The following LMBR1L variants were observed in gnomAD, a reference collection of about 807,000 sequenced individuals.
LMBR1L encodes the protein limb development membrane protein 1 like.
A neutral mutation model predicts 67.3 loss-of-function variants in LMBR1L; 47 were observed. The observed-to-expected ratio is 0.70, with a 90% CI of 0.55 to 0.89. The LOEUF is 0.89. Ranked by LOEUF, LMBR1L falls within the 40% of genes least tolerant of loss-of-function variation. The pLI is 0.00. For missense variants in LMBR1L, 533 were observed against 599.2 expected (o/e 0.89, Z 1.15); for synonymous variants, 247 against 250.3 (o/e 0.99, Z 0.13).
chr12:49,110,224 A>AGGGGG, intron 1 of LMBR1L: 1 of 221,180 alleles, frequency 4.5e-6, no homozygotes, highest in Non-Finnish European at 7.1e-6. Context: ...GCGCTGGGTG[A>AGGGGG]GGGGTGGGAG....
chr12:49,108,330 G>A (rs1198566580), intron 1 of LMBR1L, among the ~76,000 whole-genome samples: 4 of 151,784 alleles, frequency 2.6e-5, no homozygotes, highest in Non-Finnish European at 2.9e-5. Flanking sequence ...TTGGGAGGCC[G>A]AGGCGGGAGG....
rs2121109925 is a variant in LMBR1L, at chr12:49,110,825, A to C, written c.-270T>G. 2 of 469,122 alleles carry C rather than the reference A, an allele frequency of 4.3e-6. No homozygotes were observed. Among genetic ancestry groups the C allele is most frequent in the Admixed American group, 3.5e-5 (1 of 28,394 alleles). 29.1% of individuals were successfully genotyped at this position (469,122 alleles called of 1,614,324 possible). On this transcript the variant is annotated 5_prime_UTR_variant, in exon 1 of 17. Coordinates refer to ENST00000267102, the MANE Select transcript of LMBR1L (RefSeq NM_018113.4). ...GGGTCGCGCTCACGTTTCAATGCAA[A>C]CACCCGCCACTAGGCTCGCTACGAG...
In LMBR1L at chr12:49,110,770, T is replaced by C. The variant is rs889079523; in HGVS notation, c.-215A>G. The C allele has an allele frequency of 2.4e-5, 14 of 578,946 alleles. No individual in the cohort carries two copies. The highest frequency in any genetic ancestry group is 4.3e-5 in the Non-Finnish European group (14 of 323,480). The allele number at this position is 578,946 out of a possible 1,614,324, so 35.9% of individuals were successfully genotyped here. A position where few individuals can be genotyped will look rare whatever the true frequency, so the allele number is the denominator to read the frequency against. On this transcript the variant is annotated 5_prime_UTR_variant, in exon 1 of 17. Transcript: ENST00000267102. ...ACCCGCCTCGTTTTAAAGGGCTCTG[T>C]CCTCCCTTTGCTCCCCACTCTTTAA...
Position 49,100,433 on chromosome 12 carries a change from GAC to G in LMBR1L, c.1193_1194del (p.Cys398SerfsTer21). 6.2e-7 allele frequency: 1 copy of G among 1,613,960 alleles called. No individual in the cohort carries two copies. Among genetic ancestry groups the G allele is most frequent in the Non-Finnish European group, 8.5e-7 (1 of 1,179,810 alleles). On this transcript the variant is annotated frameshift_variant, in exon 15 of 17. Coordinates refer to ENST00000267102, the MANE Select transcript of LMBR1L (RefSeq NM_018113.4). LOFTEE classifies it high-confidence loss of function. ...GGAAGTGCTGAGCTTAGGACCAGGA[GAC>G]AGACACAGTTCCCAATTATCTGGGT... ...AMTQIIGNCVCLLVLSSALPV... is the reference protein window; with the variant it reads ...AMTQIIGNCVXLLVLSSALPV...
In LMBR1L at chr12:49,102,530, T is replaced by G. The variant is rs1399922742; in HGVS notation, c.707A>C (p.Asp236Ala). The G allele has an allele frequency of 6.2e-7, 1 of 1,614,048 alleles. No individual in the cohort carries two copies. The highest frequency in any genetic ancestry group is 8.5e-7 in the Non-Finnish European group (1 of 1,180,000). ...TGAGCAGTACAGCTGCTCCTCCAGGTCTTCCAGCAGCTAGGGGCAGGGGAA... is the reference window on the plus strand; with the variant it reads ...TGAGCAGTACAGCTGCTCCTCCAGGGCTTCCAGCAGCTAGGGGCAGGGGAA... ...KLLVKPRLLE[D>A]LEEQLYCSAF... The change falls in exon 9 of 17, where the codon GAC becomes GCC. Residue 236 changes from aspartate to alanine, a missense_variant. Physicochemically the swap from Asp to Ala is moderately radical, Grantham distance 126. Transcript: ENST00000267102.
At chr12:49,109,926 G>C (rs1318092027) in intron 1 of LMBR1L, 2 of 411,154 alleles carry the variant, frequency 4.9e-6, no homozygotes, top group Admixed American at 2.9e-5. Context: ...AAAAAAGACG[G>C]GGGAATACTT....
At position 49,097,665 on chromosome 12, in the gene LMBR1L, C is replaced by G. The variant is rs192672535; in HGVS notation, c.*7G>C. ...CCAGTTTTTTCCTTCCCACCCCCAG[C>G]TGGAGGTCACTGGTGCTGGGTCTTC... On this transcript the variant is annotated 3_prime_UTR_variant, in exon 17 of 17. Coordinates refer to ENST00000267102, the MANE Select transcript of LMBR1L (RefSeq NM_018113.4). 21 of 1,613,136 alleles carry G rather than the reference C, an allele frequency of 1.3e-5. No individual in the cohort carries two copies. Among genetic ancestry groups the G allele is most frequent in the Middle Eastern group, 1.9e-4 (1 of 5,312 alleles).
At position 49,102,959 on chromosome 12, in the gene LMBR1L, G is replaced by A; in HGVS notation, c.632-8C>T. 6.2e-7 allele frequency: 1 copy of A among 1,613,906 alleles called. No homozygotes were observed. The highest frequency in any genetic ancestry group is 8.5e-7 in the Non-Finnish European group (1 of 1,179,868). Reference sequence around the variant, plus strand: ...GACCCAGTGGAGTACACACTGTAGGGACAAGAGCCAGTCACTTGCCAGACC... The same window carrying A: ...GACCCAGTGGAGTACACACTGTAGGAACAAGAGCCAGTCACTTGCCAGACC... On this transcript the variant is annotated splice_polypyrimidine_tract_variant and splice_region_variant and intron_variant, in intron 7 of 16. Coordinates refer to ENST00000267102, the MANE Select transcript of LMBR1L (RefSeq NM_018113.4).
intron 1 of LMBR1L, chr12:49,109,648 C>T (rs1272593311): frequency 4.4e-6 from 2 of 455,214 alleles, no homozygotes; most frequent in Non-Finnish European, 8.8e-6. Flanking sequence ...GGGAAGGACA[C>T]AGGAGAAAGG....
intron 5 of LMBR1L, 156 bp from the exon 6 acceptor site, chr12:49,103,969 TC>T (rs2120986845): frequency 2.7e-6 from 2 of 734,142 alleles, no homozygotes; most frequent in East Asian, 2.7e-5. Flanking sequence ...GTCTTCCCAC[TC>T]CCCAGTCTAA....
At chr12:49,109,608 T>C in intron 1 of LMBR1L, 1 of 439,214 alleles carries the variant, frequency 2.3e-6, no homozygotes, top group Non-Finnish European at 4.5e-6. Context: ...ATTTACTATC[T>C]GGAGATGAGG....
Position 49,097,409 on chromosome 12 carries a change from G to A in LMBR1L, c.*263C>T, listed in dbSNP as rs567248153. The A allele has an allele frequency of 3.9e-6, 2 of 513,322 alleles. No homozygotes were observed. Among genetic ancestry groups the A allele is most frequent in the East Asian group, 3.2e-5 (1 of 30,970 alleles). The allele number at this position is 513,322 out of a possible 1,614,324, so 31.8% of individuals were successfully genotyped here. Reference sequence around the variant, plus strand: ...CAGAACAGCAGTGAGGCAGATTGATGTGTAAACAGATTTGGGATCAGGGGC... The same window carrying A: ...CAGAACAGCAGTGAGGCAGATTGATATGTAAACAGATTTGGGATCAGGGGC... On this transcript the variant is annotated 3_prime_UTR_variant, in exon 17 of 17. Coordinates refer to ENST00000267102, the MANE Select transcript of LMBR1L (RefSeq NM_018113.4).
At chr12:49,099,551 A>T (rs934700464) in intron 15 of LMBR1L, among the ~76,000 whole-genome samples, 1 of 149,196 alleles carries the variant, frequency 6.7e-6, no homozygotes, top group African/African-American at 2.5e-5. Context: ...CTCACACACT[A>T]CCTTGGGGTG....
Position 49,110,585 on chromosome 12 carries a change from G to A in LMBR1L, c.-30C>T, listed in dbSNP as rs761132388. ...TGCTCAGCATGACTGAAGCCGAGGT[G>A]CCTCTGGGCCCGGGGAGGACGAGCG... On this transcript the variant is annotated 5_prime_UTR_variant, in exon 1 of 17. Coordinates refer to ENST00000267102, the MANE Select transcript of LMBR1L (RefSeq NM_018113.4). 162 of 1,602,496 alleles carry A rather than the reference G, an allele frequency of 1.0e-4. No individual in the cohort carries two copies. Among genetic ancestry groups the A allele is most frequent in the Non-Finnish European group, 1.3e-4 (156 of 1,169,692 alleles).
chr12:49,109,367 G>C (rs940663761), intron 1 of LMBR1L, among the ~76,000 whole-genome samples: 6 of 151,982 alleles, frequency 3.9e-5, no homozygotes, highest in Admixed American at 6.6e-5. Flanking sequence ...CACAAGGAAG[G>C]CTTGCCGAAA....
intron 1 of LMBR1L, chr12:49,110,225 G>T: frequency 1.7e-6 from 1 of 573,982 alleles, no homozygotes; most frequent in Admixed American, 3.0e-5. Context: ...CGCTGGGTGA[G>T]GGGTGGGAGG....
Position 49,102,139 on chromosome 12 carries a change from A to G in LMBR1L, c.911T>C (p.Leu304Pro), listed in dbSNP as rs1420245372. ...QRNLGYPLAM[L>P]CLLVLTGLSV... ...ACCTACCGTCAGCACCAGCAAGCAC[A>G]GCATAGCCAGGGGGTAGCCCAGGTT... The change falls in exon 11 of 17, where the codon CTG becomes CCG. Residue 304 changes from leucine to proline, a missense_variant. By Grantham distance (98) the Leu-to-Pro change is moderately conservative (BLOSUM62 -3). Coordinates refer to ENST00000267102, the MANE Select transcript of LMBR1L (RefSeq NM_018113.4). 6.2e-7 allele frequency: 1 copy of G among 1,614,178 alleles called. No individual in the cohort carries two copies. Among genetic ancestry groups the G allele is most frequent in the Non-Finnish European group, 8.5e-7 (1 of 1,180,014 alleles).
chr12:49,103,047 G>T lies in LMBR1L; in HGVS notation c.631+44C>A, dbSNP rs528185944. The T allele has an allele frequency of 1.6e-5, 26 of 1,609,756 alleles. No homozygotes were observed. In the East Asian group the frequency reaches 5.4e-4, roughly 33 times the overall value. ...CTTTCCTTCTAGCCTGGTTACTCTG[G>T]TCCAAGGACCCTGCCCATTCCCTCC... On this transcript the variant is annotated intron_variant, in intron 7 of 16. Transcript: ENST00000267102.
At chr12:49,103,590 C>A in intron 6 of LMBR1L, 97 bp downstream of exon 6, 3 of 1,449,286 alleles carry the variant, frequency 2.1e-6, no homozygotes, top group Non-Finnish European at 2.8e-6. Flanking sequence ...GGAGAAGGTG[C>A]CAACATTTTC....
Sources: allele counts gnomAD v4.1 joint callset (sites outside exome capture counted in the v4.1 genomes callset), GRCh38; gene constraint gnomAD v4.1.1; transcripts MANE v1.5; gene names NCBI Gene and HGNC (gene_info 2026-07-23, HGNC 2026-07-21).